TMEM161A: variants seen among roughly 807,000 people sequenced by gnomAD.
TMEM161A encodes the protein transmembrane protein 161A, also known as adaptive response to oxidative stress protein 29.
In TMEM161A, 46 loss-of-function variants were observed where a neutral mutation model predicts 57.1. The ratio of observed to expected loss-of-function variants is 0.81; its 90% CI spans 0.64 to 1.03. The LOEUF (loss-of-function observed/expected upper bound fraction) is 1.03. Ranked by LOEUF, TMEM161A falls within the 50% of genes least tolerant of loss-of-function variation. The pLI, the probability that TMEM161A is intolerant of heterozygous loss-of-function variation, is 0.00. For missense variants in TMEM161A, 601 were observed against 621.5 expected, an observed-to-expected ratio of 0.97 and a Z score of 0.35; for synonymous variants, 288 against 279.0, an observed-to-expected ratio of 1.03 and a Z score of -0.32.
rs1291412772 is a variant in TMEM161A, at chr19:19,121,318, G to A, written c.904C>T (p.Arg302Cys). The change falls in exon 9 of 12, where the codon CGT (arginine) becomes TGT (cysteine). Residue 302 changes from arginine to cysteine, a missense_variant. Transcript: ENST00000162044. This position sits in a 1 kb window ranked among gnomAD's most constrained non-coding sequence, Gnocchi z 5.8. ...CCACCCAATACGCACAGGGAGAAACGCGTCTCCCCAAACGGCGGCTGGTGC... is the reference window on the plus strand; with the variant it reads ...CCACCCAATACGCACAGGGAGAAACACGTCTCCCCAAACGGCGGCTGGTGC... ...FLHQPPFGET[R>C]FSLLSDSAFD... 13 of 1,566,186 alleles carry A rather than the reference G, an allele frequency of 8.3e-6. No individual in the cohort carries two copies. Among genetic ancestry groups the A allele is most frequent in the Non-Finnish European group, 1.0e-5 (12 of 1,155,702 alleles).
chr19:19,131,849 CG>C (rs2059961019), intron 5 of TMEM161A, among the ~76,000 whole-genome samples: 1 of 150,208 alleles, frequency 6.7e-6, no homozygotes, highest in Non-Finnish European at 1.5e-5. Flanking sequence ...TTAGTAGAGA[CG>C]GGGTTTCACC....
intron 6 of TMEM161A, among the ~76,000 whole-genome samples, chr19:19,122,650 C>G (rs1454831380): frequency 6.6e-6 from 1 of 151,548 alleles, no homozygotes; most frequent in Non-Finnish European, 1.5e-5. Context: ...TGGTGCACGC[C>G]TATAGTCCCA....
At chr19:19,133,883 C>T (rs1009467656) in intron 2 of TMEM161A, among the ~76,000 whole-genome samples, 1 of 152,138 alleles carries the variant, frequency 6.6e-6, no homozygotes, top group African/African-American at 2.4e-5. Flanking sequence ...GATCCTCCTG[C>T]CTCAGACTCC....
chr19:19,121,065 C>T lies in TMEM161A; in HGVS notation c.1016G>A (p.Cys339Tyr), dbSNP rs748596126. 6.2e-7 allele frequency: 1 copy of T among 1,612,056 alleles called. No individual in the cohort carries two copies. The highest frequency in any genetic ancestry group is 1.1e-5 in the South Asian group (1 of 90,994). The change falls in exon 10 of 12, where the codon TGC becomes TAC. Residue 339 changes from cysteine to tyrosine, a missense_variant. By Grantham distance (194) the Cys-to-Tyr change is radical. Transcript: ENST00000162044. This position sits in a 1 kb window ranked among gnomAD's most constrained non-coding sequence, Gnocchi z 5.8. ...CTGCTCCACCCGGGCCTTGGCCAGG[C>T]ACAGGTAGGCCTGCAGGTGGGGCCG... ...VTRPHLQAYL[C>Y]LAKARVEQLR...
Position 19,121,535 on chromosome 19 carries a change from G to A in TMEM161A, c.790C>T (p.Pro264Ser). Residue 264 changes from proline to serine, a missense_variant, in exon 8 of 12, where the codon CCC becomes TCC. Physicochemically the swap from Pro to Ser is moderately conservative, Grantham distance 74. Coordinates refer to ENST00000162044, the MANE Select transcript of TMEM161A (RefSeq NM_017814.3). This position sits in a 1 kb window ranked among gnomAD's most constrained non-coding sequence, Gnocchi z 5.8. ...AGCGACCCACTTAACTGCAGCATGG[G>A]TCTGTCCTCCGACATGGTCAGTGCG... Reference protein sequence around the residue: ...RDALTMSEDRPMLQFLLHTSF... With the variant: ...RDALTMSEDRSMLQFLLHTSF... 6.2e-7 allele frequency: 1 copy of A among 1,613,968 alleles called. No individual in the cohort carries two copies. Among genetic ancestry groups the A allele is most frequent in the Non-Finnish European group, 8.5e-7 (1 of 1,179,966 alleles).
At position 19,133,219 on chromosome 19, in the gene TMEM161A, A is replaced by G; in HGVS notation, c.108-9T>C. On this transcript the variant is annotated splice_polypyrimidine_tract_variant and intron_variant, in intron 2 of 11. Coordinates refer to ENST00000162044, the MANE Select transcript of TMEM161A (RefSeq NM_017814.3). ...GCTTGTATCGGAACAAACTGAGAGC[A>G]AGGACGGGCAGTCAGGGAAGCTCAG... 1 of 1,613,988 alleles carries G rather than the reference A, an allele frequency of 6.2e-7. No homozygotes were observed. The highest frequency in any genetic ancestry group is 8.5e-7 in the Non-Finnish European group (1 of 1,179,912).
Position 19,132,547 on chromosome 19 carries a change from G to A in TMEM161A, c.287-39C>T, listed in dbSNP as rs556407633. The A allele has an allele frequency of 4.7e-5, 76 of 1,600,722 alleles. No individual in the cohort carries two copies. Among genetic ancestry groups the A allele is most frequent in the Admixed American group, 2.1e-4 (12 of 58,388 alleles). ...TCTGCTCAGCCCTGGGGCCCAGCTC[G>A]CTCCCCTCCTAATAGAACATTCTTC... On this transcript the variant is annotated intron_variant, in intron 4 of 11. Coordinates refer to ENST00000162044, the MANE Select transcript of TMEM161A (RefSeq NM_017814.3). The surrounding 1 kb of genome is among the most constrained non-coding windows in gnomAD (Gnocchi z 4.3).
At chr19:19,123,780 G>A (rs553704279) in intron 6 of TMEM161A, among the ~76,000 whole-genome samples, 26 of 152,116 alleles carry the variant, frequency 1.7e-4, no homozygotes, top group African/African-American at 6.3e-4. Context: ...TATTAGAATA[G>A]GCCAGGCGCG....
chr19:19,127,544 G>A (rs943409747), intron 6 of TMEM161A, among the ~76,000 whole-genome samples: 1 of 151,826 alleles, frequency 6.6e-6, no homozygotes, highest in Non-Finnish European at 1.5e-5. Flanking sequence ...GGATGGTCTC[G>A]ATCTCCTGAC....
chr19:19,120,692 G>T (rs2059904779), intron 11 of TMEM161A, 73 bp downstream of exon 11: 4 of 492,068 alleles, frequency 8.1e-6, no homozygotes, highest in Admixed American at 3.5e-5. Context: ...CGCGGTCCCC[G>T]CCAGAGTCCA....
chr19:19,127,889 G>C (rs1207557491), intron 6 of TMEM161A, among the ~76,000 whole-genome samples: 1 of 152,106 alleles, frequency 6.6e-6, no homozygotes, highest in Admixed American at 6.5e-5. Context: ...GCAGTGAGTT[G>C]TGATTGCACC....
At position 19,120,050 on chromosome 19, in the gene TMEM161A, G is replaced by T; in HGVS notation, c.1320C>A (p.Gly440=). ...CACGGAGGAAGAGGGGAGTAAGCAG[G>T]CCACCCAGAGCCCCGGCAATCCGCG... ...TAARIAGALG[G]LLTPLFLRGV... is the part of the protein sequence containing the mutation. The change falls in exon 12 of 12, where the codon GGC becomes GGA. Residue 440 remains glycine (G), a synonymous_variant. Coordinates refer to ENST00000162044, the MANE Select transcript of TMEM161A (RefSeq NM_017814.3). 6.2e-7 allele frequency: 1 copy of T among 1,600,570 alleles called. No individual in the cohort carries two copies. Among genetic ancestry groups the T allele is most frequent in the South Asian group, 1.1e-5 (1 of 88,742 alleles).
chr19:19,133,172 C>T lies in TMEM161A; in HGVS notation c.146G>A (p.Arg49Gln), dbSNP rs182573567. 2.4e-5 allele frequency: 38 copies of T among 1,614,172 alleles called. No homozygotes were observed. Among genetic ancestry groups the T allele is most frequent in the African/African-American group, 1.3e-4 (10 of 75,070 alleles). Residue 49 changes from arginine (R) to glutamine (Q), a missense_variant, in exon 3 of 12, where the codon CGG becomes CAG. Coordinates refer to ENST00000162044, the MANE Select transcript of TMEM161A (RefSeq NM_017814.3). ...RYKHPSEEELRALAGKPRPRG... is the reference protein window; with the variant it reads ...RYKHPSEEELQALAGKPRPRG... ...GGGCCTCGGCTTCCCCGCCAGGGCC[C>T]GAAGCTCCTCCTCAGACGGGTGCTT... is the stretch of plus-strand genomic sequence containing the variant.
intron 6 of TMEM161A, among the ~76,000 whole-genome samples, chr19:19,128,533 A>ATT (rs755755153): frequency 1.2e-3 from 128 of 110,510 alleles, no homozygotes; most frequent in African/African-American, 1.6e-3. Flanking sequence ...CCTGGCCTAC[A>ATT]TTTTTTTTTT....
chr19:19,121,206 G>GC lies in TMEM161A; in HGVS notation c.915-41dup. ...CCGGGGGCAAGGGACTAAGAAGGTC[G>GC]CCCCCGACCCCCCAGGATCTTCCCC... On this transcript the variant is annotated intron_variant, in intron 9 of 11. Coordinates refer to ENST00000162044, the MANE Select transcript of TMEM161A (RefSeq NM_017814.3). This position sits in a 1 kb window ranked among gnomAD's most constrained non-coding sequence, Gnocchi z 5.8. The GC allele has an allele frequency of 1.9e-6, 3 of 1,559,152 alleles. No homozygotes were observed. In the South Asian group the frequency reaches 3.5e-5, roughly 18 times the overall value.
intron 5 of TMEM161A, among the ~76,000 whole-genome samples, chr19:19,131,152 A>G (rs1214702002): frequency 6.6e-6 from 1 of 151,882 alleles, no homozygotes; most frequent in East Asian, 1.9e-4. Flanking sequence ...CCCGGGAGAC[A>G]GAGGTTGTAG....
intron 6 of TMEM161A, among the ~76,000 whole-genome samples, chr19:19,128,053 T>C (rs1167227005): frequency 6.6e-6 from 1 of 152,148 alleles, no homozygotes; most frequent in Non-Finnish European, 1.5e-5. Context: ...ATGCCACTTA[T>C]ATGAGGAACC....
chr19:19,137,867 G>A (rs1436593402), intron 1 of TMEM161A, among the ~76,000 whole-genome samples: 2 of 152,172 alleles, frequency 1.3e-5, no homozygotes, highest in Non-Finnish European at 2.9e-5. Context: ...CCAGAGCCGC[G>A]TGAGACCTGA....
chr19:19,133,129 C>T lies in TMEM161A; in HGVS notation c.188+1G>A, dbSNP rs1213460196. The T allele has an allele frequency of 6.2e-7, 1 of 1,613,654 alleles. No individual in the cohort carries two copies. Among genetic ancestry groups the T allele is most frequent in the Non-Finnish European group, 8.5e-7 (1 of 1,179,710 alleles). ...CTGGGGCTGGGGCCCAGGTCACTCA[C>T]CGCTCTTTCCTGCCTCTGGGCCTCG... On this transcript the variant is annotated splice_donor_variant, in intron 3 of 11. Coordinates refer to ENST00000162044, the MANE Select transcript of TMEM161A (RefSeq NM_017814.3). LOFTEE classifies it high-confidence loss of function.
Sources: gnomAD v4.1 joint callset for allele counts (sites outside exome capture counted in the v4.1 genomes callset) on GRCh38, gnomAD v4.1.1 for gene constraint, Gnocchi (gnomAD v3.1) non-coding constraint, MANE v1.5 for transcripts, NCBI Gene and HGNC (gene_info 2026-07-23, HGNC 2026-07-21) for gene names.